LHX4: variants seen among roughly 807,000 people sequenced by gnomAD.
LHX4 encodes the protein LIM/homeobox protein Lhx4.
LHX4 carries 16 observed loss-of-function variants against 39.2 expected under a neutral mutation model. That is an observed-to-expected ratio of 0.41 (90% CI 0.28 to 0.62). LHX4 has a LOEUF of 0.62. LHX4 is among the 20% of genes least tolerant of loss of function. LHX4 has a pLI of 0.33. For missense variants in LHX4, 439 were observed against 511.9 expected (o/e 0.86, Z 1.37); for synonymous variants, 206 against 198.1 (o/e 1.04, Z -0.33).
At position 180,248,230 on chromosome 1, in the gene LHX4, G is replaced by A. The variant is rs535091910; in HGVS notation, c.77-55G>A. 7.5e-6 allele frequency: 12 copies of A among 1,590,716 alleles called. No homozygotes were observed. In the African/African-American group the frequency reaches 1.5e-4, roughly 20 times the overall value. On this transcript the variant is annotated intron_variant, in intron 1 of 5. Transcript: ENST00000263726. ...GAAGGCACCCGCCAGGGCCTGGCCT[G>A]GTTAGCAGGGCTGTGTGGAAGGCTC...
intron 2 of LHX4, among the ~76,000 whole-genome samples, chr1:180,255,111 G>A (rs1647790300): frequency 2.0e-5 from 3 of 152,242 alleles, no homozygotes; most frequent in Admixed American, 6.5e-5. Flanking sequence ...GCGCTCGCTC[G>A]CATCAAAGAG....
In LHX4 at chr1:180,260,767, AG is replaced by A. The variant is rs1648081399; in HGVS notation, c.249-5623del. 3.3e-5 allele frequency among the ~76,000 whole-genome samples: 5 copies of A among 151,936 alleles called. 1 individual carries two copies. The South Asian group carries it at 1.0e-3, about 31-fold the overall frequency. On this transcript the variant is annotated intron_variant, in intron 2 of 5. Transcript: ENST00000263726. ...GGGCTCAGAGCCACATGAGGGGGACAGGCCCTCTCCTCGAGCTCCAGCCTAG... is the reference window on the plus strand; with the variant it reads ...GGGCTCAGAGCCACATGAGGGGGACAGCCCTCTCCTCGAGCTCCAGCCTAG...
chr1:180,237,151 A>G (rs1314025106), intron 1 of LHX4, among the ~76,000 whole-genome samples: 2 of 151,638 alleles, frequency 1.3e-5, no homozygotes, highest in Non-Finnish European at 2.9e-5. Flanking sequence ...CTTCCTTTGC[A>G]AAATCTTTGC....
At chr1:180,242,631 C>T (rs1414320697) in intron 1 of LHX4, among the ~76,000 whole-genome samples, 2 of 152,222 alleles carry the variant, frequency 1.3e-5, no homozygotes, top group East Asian at 3.9e-4. Context: ...TAGGAATGCT[C>T]TGGTGGGCGG....
Position 180,274,430 on chromosome 1 carries a change from G to C in LHX4, c.1024G>C (p.Ala342Pro), listed in dbSNP as rs1279499337. The change falls in exon 6 of 6, where the codon GCG becomes CCG. Residue 342 changes from alanine to proline, a missense_variant. Coordinates refer to ENST00000263726, the MANE Select transcript of LHX4 (RefSeq NM_033343.4). ...GGTGGACAGTAATTTGGGCATCATT[G>C]CGCATGCAGGGCAGGGAGTAAGCCA... ...YTVDSNLGII[A>P]HAGQGVSQTL... is the part of the protein sequence containing the mutation. 9 of 1,614,094 alleles carry C rather than the reference G, an allele frequency of 5.6e-6. No individual in the cohort carries two copies. The Admixed American group carries it at 1.5e-4, about 27-fold the overall frequency.
At chr1:180,236,265 A>G (rs1445435491) in intron 1 of LHX4, among the ~76,000 whole-genome samples, 1 of 152,132 alleles carries the variant, frequency 6.6e-6, no homozygotes, top group Non-Finnish European at 1.5e-5. Context: ...GTAGACAAAA[A>G]CTTGGGCCAC....
chr1:180,251,973 G>A (rs1647646080), intron 2 of LHX4, among the ~76,000 whole-genome samples: 1 of 152,202 alleles, frequency 6.6e-6, no homozygotes. Context: ...TCAGTGGGTG[G>A]ATTCATAGCC....
intron 3 of LHX4, 83 bp from the exon 4 acceptor site, chr1:180,271,297 G>C: frequency 6.6e-7 from 1 of 1,507,742 alleles, no homozygotes; most frequent in East Asian, 2.3e-5. Flanking sequence ...CTTAGGTGCA[G>C]AAAGGATGGA....
intron 1 of LHX4, among the ~76,000 whole-genome samples, chr1:180,244,942 C>T (rs780727819): frequency 2.0e-5 from 3 of 152,256 alleles, no homozygotes; most frequent in Non-Finnish European, 4.4e-5. Context: ...TGCCTAGCAG[C>T]CTCCTGCCAC....
chr1:180,271,809 G>A (rs749414602), intron 4 of LHX4, 26 bp from the exon 5 acceptor site: 3 of 1,613,722 alleles, frequency 1.9e-6, no homozygotes, highest in Admixed American at 1.7e-5. Context: ...CGCCCCCTGA[G>A]TATGTCCCTT....
intron 1 of LHX4, among the ~76,000 whole-genome samples, chr1:180,235,824 T>C (rs1194287615): frequency 6.6e-6 from 1 of 152,200 alleles, no homozygotes; most frequent in Non-Finnish European, 1.5e-5. Context: ...AGGCCGCGGC[T>C]GGACTGGGAC....
chr1:180,260,305 T>C (rs1181876895), intron 2 of LHX4, among the ~76,000 whole-genome samples: 1 of 151,718 alleles, frequency 6.6e-6, no homozygotes, highest in Non-Finnish European at 1.5e-5. Flanking sequence ...AGGTCGGAAC[T>C]TACCATCAGG....
chr1:180,230,042 C>T (rs1664135624), upstream of LHX4, among the ~76,000 whole-genome samples: 1 of 150,926 alleles, frequency 6.6e-6, no homozygotes, highest in South Asian at 2.1e-4. The surrounding 1 kb of genome is among the most constrained non-coding windows in gnomAD (Gnocchi z 5.8). Flanking sequence ...CGGCCTCACT[C>T]GGGGCGCCGG....
rs1648896167 is a variant in LHX4, at chr1:180,274,387, C to T, written c.981C>T (p.Leu327=). The T allele has an allele frequency of 1.2e-6, 2 of 1,614,196 alleles. No homozygotes were observed. Among genetic ancestry groups the T allele is most frequent in the Non-Finnish European group, 1.7e-6 (2 of 1,180,032 alleles). The change falls in exon 6 of 6, where the codon CTC becomes CTT. Residue 327 remains leucine (L), a synonymous_variant. Transcript: ENST00000263726. ...ISSLPSHAPL[L]NGLDYTVDSN... ...CCCTGCCATCCCACGCTCCTTTGCT[C>T]AATGGGCTGGATTACACGGTGGACA...
intron 2 of LHX4, among the ~76,000 whole-genome samples, chr1:180,252,211 GCA>G (rs1553280583): frequency 6.6e-6 from 1 of 152,158 alleles, no homozygotes; most frequent in East Asian, 1.9e-4. Context: ...GCACATGGGG[GCA>G]CACACACAGT....
chr1:180,228,409 C>A (rs972087332), upstream of LHX4, among the ~76,000 whole-genome samples: 3 of 152,194 alleles, frequency 2.0e-5, no homozygotes, highest in Non-Finnish European at 4.4e-5. Flanking sequence ...AGTGTCCAAG[C>A]CCCTTTCGCC....
At chr1:180,230,082 C>A (rs1241404412), upstream of LHX4, among the ~76,000 whole-genome samples, 1 of 151,634 alleles carries the variant, frequency 6.6e-6, no homozygotes, top group Non-Finnish European at 1.5e-5. The surrounding 1 kb of genome is among the most constrained non-coding windows in gnomAD (Gnocchi z 5.8). Flanking sequence ...GTCGGCTGCC[C>A]GCCGCCGGGT....
At chr1:180,260,079 G>A (rs997957038) in intron 2 of LHX4, among the ~76,000 whole-genome samples, 1 of 151,664 alleles carries the variant, frequency 6.6e-6, no homozygotes, top group Non-Finnish European at 1.5e-5. Flanking sequence ...CCTGAGTTAA[G>A]TCACCCAGGC....
In LHX4 at chr1:180,259,252, T is replaced by C. The variant is rs74132421; in HGVS notation, c.249-7140T>C. 9.9e-3 allele frequency among the ~76,000 whole-genome samples: 1,496 copies of C among 151,838 alleles called. 22 individuals are homozygous for C. Among genetic ancestry groups the C allele is most frequent in the African/African-American group, 0.034 (1,410 of 41,356 alleles). ...CCGCTGGGCTGCAGCACAGCTCTGGTTGGGTAGGGCACTGCCTTGAAGGGT... is the reference window on the plus strand; with the variant it reads ...CCGCTGGGCTGCAGCACAGCTCTGGCTGGGTAGGGCACTGCCTTGAAGGGT... On this transcript the variant is annotated intron_variant, in intron 2 of 5. Transcript: ENST00000263726.
Sources: allele counts gnomAD v4.1 joint callset (sites outside exome capture counted in the v4.1 genomes callset), GRCh38; gene constraint gnomAD v4.1.1; non-coding constraint Gnocchi (gnomAD v3.1); transcripts MANE v1.5; gene names NCBI Gene and HGNC (gene_info 2026-07-23, HGNC 2026-07-21).